Variants in CDYL2 observed in about 807,000 individuals in gnomAD.
The protein encoded by CDYL2 is chromodomain Y-like protein 2.
In CDYL2, 23 loss-of-function variants were observed where a neutral mutation model predicts 49.4. The ratio of observed to expected loss-of-function variants is 0.47; its 90% confidence interval spans 0.34 to 0.66. CDYL2 has a LOEUF of 0.66. CDYL2 is among the 30% of genes least tolerant of loss of function. The probability of loss-of-function intolerance (pLI) is 0.01; values close to 1 mark genes in which losing one functional copy is unlikely to be tolerated. For synonymous variants in CDYL2, 360 were observed against 268.8 expected (o/e 1.34, Z -3.32); for missense variants, 678 against 656.4 (o/e 1.03, Z -0.36).
At chr16:80,761,789 T>C (rs1194887584) in intron 1 of CDYL2, among the ~76,000 whole-genome samples, 1 of 151,536 alleles carries the variant, frequency 6.6e-6, no homozygotes, top group Non-Finnish European at 1.5e-5. Flanking sequence ...AAGAAGATGC[T>C]GGGAAAACTA....
chr16:80,739,990 A>G (rs1905679279), intron 1 of CDYL2, among the ~76,000 whole-genome samples: 1 of 152,190 alleles, frequency 6.6e-6, no homozygotes, highest in Non-Finnish European at 1.5e-5. Flanking sequence ...TGTCTTTGCT[A>G]GGGTCTTCCC....
At chr16:80,665,186 T>C (rs1322052085) in intron 2 of CDYL2, among the ~76,000 whole-genome samples, 1 of 152,218 alleles carries the variant, frequency 6.6e-6, no homozygotes, top group African/African-American at 2.4e-5. Context: ...AATATAGTTC[T>C]CACTGTCTAG....
intron 1 of CDYL2, among the ~76,000 whole-genome samples, chr16:80,778,078 A>T (rs1367882466): frequency 6.6e-6 from 1 of 152,098 alleles, no homozygotes; most frequent in East Asian, 1.9e-4. Context: ...TCACTCCAGT[A>T]AGTATCAAAA....
chr16:80,705,581 C>T (rs1904378660), intron 1 of CDYL2, among the ~76,000 whole-genome samples: 1 of 152,250 alleles, frequency 6.6e-6, no homozygotes, highest in Admixed American at 6.5e-5. Flanking sequence ...TGTTGCAGGC[C>T]TTTGTGCTAT....
At chr16:80,639,916 A>G (rs1908007378) in intron 2 of CDYL2, among the ~76,000 whole-genome samples, 1 of 152,234 alleles carries the variant, frequency 6.6e-6, no homozygotes, top group South Asian at 2.1e-4. Flanking sequence ...CGGAGCATTT[A>G]GACCAGCCCT....
chr16:80,604,213 C>A lies in CDYL2; in HGVS notation c.*175G>T. ...GGGAGGCCAAGTATGCTGCGTTTTC[C>A]ATCCATTACACAAAATCAAACCAAG... On this transcript the variant is annotated 3_prime_UTR_variant, in exon 7 of 7. Coordinates refer to ENST00000570137, the MANE Select transcript of CDYL2 (RefSeq NM_152342.4). The A allele has an allele frequency of 7.2e-6, 5 of 690,788 alleles. No individual in the cohort carries two copies. Among genetic ancestry groups the A allele is most frequent in the Non-Finnish European group, 1.2e-5 (5 of 414,704 alleles). The allele number at this position is 690,788 out of a possible 1,614,324, so 42.8% of individuals were successfully genotyped here. A position where few individuals can be genotyped will look rare whatever the true frequency, so the allele number is the denominator to read the frequency against.
At chr16:80,754,343 G>T (rs535273795) in intron 1 of CDYL2, among the ~76,000 whole-genome samples, 1 of 152,254 alleles carries the variant, frequency 6.6e-6, no homozygotes, top group South Asian at 2.1e-4. Flanking sequence ...TCTGGGGGCT[G>T]GGTGGACAAG....
chr16:80,699,002 C>A (rs58188701), intron 1 of CDYL2, among the ~76,000 whole-genome samples: 2,592 of 151,948 alleles, frequency 0.017, 72 homozygotes, highest in African/African-American at 0.058. Context: ...ATCAAAAAAA[C>A]AAAAACTAAC....
At chr16:80,608,339 A>G in intron 5 of CDYL2, 104 bp from the exon 6 acceptor site, 2 of 1,279,348 alleles carry the variant, frequency 1.6e-6, no homozygotes, top group Non-Finnish European at 2.1e-6. Context: ...TCTGGAAGGC[A>G]TCTTGCCTTC....
At chr16:80,679,221 C>G (rs1336628739) in intron 2 of CDYL2, among the ~76,000 whole-genome samples, 1 of 151,568 alleles carries the variant, frequency 6.6e-6, no homozygotes, top group East Asian at 1.9e-4. Flanking sequence ...ATGTAACTAA[C>G]CTGCACATTG....
chr16:80,709,822 C>A (rs187100289), intron 1 of CDYL2, among the ~76,000 whole-genome samples: 32 of 152,220 alleles, frequency 2.1e-4, no homozygotes, highest in African/African-American at 7.5e-4. Context: ...ACTGTACTAC[C>A]ATCCCTTTTT....
rs1424914707 is a variant in CDYL2, at chr16:80,599,986, G to T, written c.*4402C>A. 1 of 152,158 alleles carries T rather than the reference G, an allele frequency of 6.6e-6. No homozygotes were observed. Among genetic ancestry groups the T allele is most frequent in the Admixed American group, 6.5e-5 (1 of 15,276 alleles). The allele number at this position is 152,158 out of a possible 1,614,324, so 9.4% of individuals were successfully genotyped here. A position where few individuals can be genotyped will look rare whatever the true frequency, so the allele number is the denominator to read the frequency against. On this transcript the variant is annotated 3_prime_UTR_variant, in exon 7 of 7. Transcript: ENST00000570137. The stretch of plus-strand genomic sequence containing the variant: ...TCAGCATGGCTTACGTTGCATGGAG[G>T]AAACAACCCGTATTACCCTTTTTAA...
intron 4 of CDYL2, among the ~76,000 whole-genome samples, chr16:80,613,363 T>G (rs1385351227): frequency 1.3e-5 from 2 of 152,184 alleles, no homozygotes; most frequent in Non-Finnish European, 2.9e-5. Flanking sequence ...TCAATGATTA[T>G]GCTGGGTGAT....
At chr16:80,640,163 G>A (rs79194383) in intron 2 of CDYL2, among the ~76,000 whole-genome samples, 13,214 of 152,126 alleles carry the variant, frequency 0.087, 995 homozygotes, top group Admixed American at 0.24. Context: ...TGGTATCACC[G>A]CTCTCCTAAC....
At chr16:80,755,868 A>C (rs538913304) in intron 1 of CDYL2, among the ~76,000 whole-genome samples, 1 of 152,202 alleles carries the variant, frequency 6.6e-6, no homozygotes, top group African/African-American at 2.4e-5. Flanking sequence ...GAGGTAATAC[A>C]TGGGAACTCT....
chr16:80,708,703 G>A (rs1426218764), intron 1 of CDYL2, among the ~76,000 whole-genome samples: 1 of 152,116 alleles, frequency 6.6e-6, no homozygotes, highest in Non-Finnish European at 1.5e-5. Flanking sequence ...TCAGCTGGTA[G>A]TCAAATTTCC....
intron 2 of CDYL2, among the ~76,000 whole-genome samples, chr16:80,652,324 G>A (rs955175703): frequency 1.1e-4 from 16 of 152,266 alleles, no homozygotes; most frequent in Non-Finnish European, 1.5e-4. Context: ...AAGGACACAC[G>A]AGCCACCTAA....
intron 1 of CDYL2, among the ~76,000 whole-genome samples, chr16:80,770,779 CA>C (rs1487288208): frequency 6.6e-6 from 1 of 152,104 alleles, no homozygotes; most frequent in Non-Finnish European, 1.5e-5. Context: ...ATTATGCCAT[CA>C]AAAACTAGGG....
intron 1 of CDYL2, among the ~76,000 whole-genome samples, chr16:80,716,862 TATGGATGG>T (rs951687603): frequency 1.3e-5 from 2 of 149,364 alleles, no homozygotes; most frequent in Non-Finnish European, 3.0e-5. Flanking sequence ...GTAATGTATG[TATGGATGG>T]ATGGATGACT....
Sources: allele counts gnomAD v4.1 joint callset (sites outside exome capture counted in the v4.1 genomes callset), GRCh38; gene constraint gnomAD v4.1.1; transcripts MANE v1.5; gene names NCBI Gene and HGNC (gene_info 2026-07-23, HGNC 2026-07-21).